MGAT5: variants seen among roughly 807,000 people sequenced by gnomAD.
MGAT5 encodes alpha-1,6-mannosylglycoprotein 6-beta-N-acetylglucosaminyltransferase A.
Under a neutral mutation model 94.3 loss-of-function variants are expected in MGAT5, and 30 were observed. The observed-to-expected ratio is 0.32, with a 90% CI of 0.24 to 0.43. The LOEUF (loss-of-function observed/expected upper bound fraction) is 0.43, where lower values mean the gene tolerates loss of function less well. Ranked by LOEUF, MGAT5 falls within the 20% of genes least tolerant of loss-of-function variation. MGAT5 has a pLI of 1.00. For missense variants in MGAT5, 691 were observed against 905.5 expected (o/e 0.76, Z 3.04); for synonymous variants, 310 against 322.9 (o/e 0.96, Z 0.43).
chr2:134,425,540 G>A (rs2106369543), intron 13 of MGAT5, among the ~76,000 whole-genome samples: 1 of 152,260 alleles, frequency 6.6e-6, no homozygotes, highest in Middle Eastern at 3.4e-3. Context: ...AGAAATTACA[G>A]ATTCTGCTTA....
intron 1 of MGAT5, among the ~76,000 whole-genome samples, chr2:134,212,683 G>C (rs1054207968): frequency 3.3e-5 from 5 of 152,236 alleles, no homozygotes; most frequent in African/African-American, 4.8e-5. Context: ...ATTTGGGACA[G>C]CTCCAACTTC....
intron 2 of MGAT5, among the ~76,000 whole-genome samples, chr2:134,284,618 C>T (rs188334035): frequency 5.3e-5 from 8 of 150,802 alleles, no homozygotes; most frequent in Non-Finnish European, 1.0e-4. Context: ...ATGGAGAGAT[C>T]GCTGTGTCCC....
intron 2 of MGAT5, among the ~76,000 whole-genome samples, chr2:134,275,008 C>T (rs1684274421): frequency 6.6e-6 from 1 of 152,196 alleles, no homozygotes; most frequent in African/African-American, 2.4e-5. Flanking sequence ...AGTGCAATTT[C>T]CCCCTCTTTG....
chr2:134,189,602 G>GTTTTTTTTTTTTTTT (rs912983981), intron 1 of MGAT5, among the ~76,000 whole-genome samples: 1,949 of 84,116 alleles, frequency 0.023, 144 homozygotes, highest in Non-Finnish European at 0.036. Flanking sequence ...GTTTTTTTTT[G>GTTTTTTTTTTTTTTT]TTTTTTTTTT....
At chr2:134,214,969 T>G (rs1680399172) in intron 1 of MGAT5, among the ~76,000 whole-genome samples, 1 of 152,176 alleles carries the variant, frequency 6.6e-6, no homozygotes, top group Non-Finnish European at 1.5e-5. Flanking sequence ...AGCTTCTACC[T>G]CTACAATCCC....
At chr2:134,270,578 A>G (rs775590884) in intron 2 of MGAT5, 28 bp downstream of exon 2, 8 of 1,611,796 alleles carry the variant, frequency 5.0e-6, no homozygotes, top group Non-Finnish European at 4.2e-6. Flanking sequence ...CTGCCCTGAT[A>G]TGGAGTCACA....
At chr2:134,293,505 G>T (rs1428781419) in intron 2 of MGAT5, among the ~76,000 whole-genome samples, 1 of 151,564 alleles carries the variant, frequency 6.6e-6, no homozygotes, top group African/African-American at 2.4e-5. Flanking sequence ...GTCAAACTCT[G>T]TCACCTAGGC....
chr2:134,185,087 G>T (rs1041875085), intron 1 of MGAT5, among the ~76,000 whole-genome samples: 1 of 152,098 alleles, frequency 6.6e-6, no homozygotes, highest in Non-Finnish European at 1.5e-5. Flanking sequence ...GAACTAAGCT[G>T]TGAGGATGCA....
upstream of MGAT5, among the ~76,000 whole-genome samples, chr2:134,251,364 T>C (rs968678946): frequency 6.6e-6 from 1 of 151,600 alleles, no homozygotes; most frequent in African/African-American, 2.4e-5. Flanking sequence ...CGGAGCGGAG[T>C]GGAGGAAGGA....
rs113582076 is a variant in MGAT5 at position 134,189,592 on chromosome 2, G to GTTTTTTTTTTTTTTTTTTTTTTTTT, written c.-142-64661_-142-64660insTTTTTTTTTTTTTTTTTTTTTTTTT. 5.3e-4 allele frequency among the ~76,000 whole-genome samples: 30 copies of GTTTTTTTTTTTTTTTTTTTTTTTTT among 56,280 alleles called. 3 individuals are homozygous for GTTTTTTTTTTTTTTTTTTTTTTTTT. Among genetic ancestry groups the GTTTTTTTTTTTTTTTTTTTTTTTTT allele is most frequent in the African/African-American group, 1.7e-3 (28 of 16,100 alleles). The allele number at this position is 56,280 out of a possible 152,430, so 36.9% of individuals were successfully genotyped here. On this transcript the variant is annotated intron_variant, in intron 1 of 16. Coordinates refer to the MGAT5 transcript ENST00000409645. ...ACATATGACTAACCTCATGGCTCTA[G>GTTTTTTTTTTTTTTTTTTTTTTTTT]TTTTTTTTTGTTTTTTTTTTTTTTT... is the stretch of plus-strand genomic sequence containing the variant.
At chr2:134,186,745 AT>A (rs1387097460) in intron 1 of MGAT5, among the ~76,000 whole-genome samples, 3 of 152,236 alleles carry the variant, frequency 2.0e-5, no homozygotes, top group Non-Finnish European at 4.4e-5. Flanking sequence ...TGATGGCATC[AT>A]CAAAGTCATT....
intron 9 of MGAT5, 127 bp from the exon 10 acceptor site, chr2:134,362,148 A>G: frequency 8.8e-7 from 1 of 1,135,884 alleles, no homozygotes; most frequent in South Asian, 1.5e-5. Context: ...CCCTCAGGTA[A>G]GAAAGAACAG....
intron 1 of MGAT5, among the ~76,000 whole-genome samples, chr2:134,206,298 G>T (rs541236094): frequency 6.6e-6 from 1 of 152,312 alleles, no homozygotes; most frequent in South Asian, 2.1e-4. Context: ...ATCCTGTCAA[G>T]TATGCTAATG....
rs560589888 is a variant in MGAT5 at position 134,287,763 on chromosome 2, A to G, written c.406+17213A>G. 3.9e-5 allele frequency among the ~76,000 whole-genome samples: 6 copies of G among 152,238 alleles called. No homozygotes were observed. The East Asian group carries it at 7.7e-4, about 20-fold the overall frequency. On this transcript the variant is annotated intron_variant, in intron 2 of 15. Transcript: ENST00000281923. ...GTGAATCTAGAGCCTTTTTTGTTCA[A>G]TCTCTCTAGAGAGTAAGCCTTTGCT...
intron 14 of MGAT5, among the ~76,000 whole-genome samples, chr2:134,439,358 C>T (rs369507298): frequency 1.2e-4 from 19 of 152,298 alleles, no homozygotes; most frequent in African/African-American, 4.1e-4. Flanking sequence ...ACAGAGCCTT[C>T]GGTGGGTTTT....
At chr2:134,149,137 C>G (rs901524860) in intron 1 of MGAT5, among the ~76,000 whole-genome samples, 3 of 152,050 alleles carry the variant, frequency 2.0e-5, no homozygotes, top group African/African-American at 4.8e-5. Flanking sequence ...GACCATGGAT[C>G]CTATTTCCCT....
intron 10 of MGAT5, among the ~76,000 whole-genome samples, chr2:134,395,600 G>T (rs1255305818): frequency 1.3e-5 from 2 of 152,172 alleles, no homozygotes; most frequent in African/African-American, 4.8e-5. Flanking sequence ...CCCAGTGCTG[G>T]CTCAGCACTG....
chr2:134,366,081 A>T (rs1401821399), intron 10 of MGAT5, among the ~76,000 whole-genome samples: 2 of 152,114 alleles, frequency 1.3e-5, no homozygotes, highest in Non-Finnish European at 2.9e-5. Flanking sequence ...CCTAATCCCA[A>T]ATAGAAGTCT....
At chr2:134,249,990 T>G (rs1682499329), upstream of MGAT5, among the ~76,000 whole-genome samples, 1 of 152,276 alleles carries the variant, frequency 6.6e-6, no homozygotes, top group Admixed American at 6.5e-5. Flanking sequence ...GATTTGCATT[T>G]CCTCTAATGA....
Sources: allele counts gnomAD v4.1 joint callset (sites outside exome capture counted in the v4.1 genomes callset), GRCh38; gene constraint gnomAD v4.1.1; transcripts MANE v1.5; gene names NCBI Gene and HGNC (gene_info 2026-07-23, HGNC 2026-07-21).